The following PAK5 variants were observed in gnomAD, a reference collection of about 807,000 sequenced individuals.
PAK5 encodes serine/threonine-protein kinase PAK 5.
A neutral mutation model predicts 65.9 loss-of-function variants in PAK5; 16 were observed. The observed-to-expected ratio is 0.24, with a 90% CI of 0.16 to 0.37. The LOEUF is 0.37. Among genes scored for constraint, PAK5 ranks in the 10% least tolerant of loss-of-function variants. The pLI is 1.00. For synonymous variants in PAK5, 371 were observed against 354.9 expected, an observed-to-expected ratio of 1.05 and a Z score of -0.51; for missense variants, 785 against 903.9, an observed-to-expected ratio of 0.87 and a Z score of 1.69.
intron 1 of PAK5, among the ~76,000 whole-genome samples, chr20:9,743,401 C>CAAACG (rs1242819698): frequency 1.8e-5 from 1 of 55,962 alleles, no homozygotes; most frequent in Non-Finnish European, 4.0e-5. Context: ...CAAAAAAAAA[C>CAAACG]AAACGAAACA....
chr20:9,678,750 C>A (rs545357537), intron 2 of PAK5, among the ~76,000 whole-genome samples: 1 of 152,164 alleles, frequency 6.6e-6, no homozygotes, highest in East Asian at 1.9e-4. Flanking sequence ...GGGGGAAAGC[C>A]CCTTATAAAA....
At chr20:9,569,361 A>G (rs1292443804) in intron 4 of PAK5, among the ~76,000 whole-genome samples, 2 of 152,150 alleles carry the variant, frequency 1.3e-5, no homozygotes, top group African/African-American at 2.4e-5. Flanking sequence ...TAAAGACATG[A>G]ATCTGAGAGT....
chr20:9,658,376 T>G (rs981911143), intron 2 of PAK5, among the ~76,000 whole-genome samples: 1 of 152,200 alleles, frequency 6.6e-6, no homozygotes, highest in Non-Finnish European at 1.5e-5. Flanking sequence ...GACTCTCATC[T>G]TTCAGCAGGG....
intron 8 of PAK5, 81 bp from the exon 9 acceptor site, chr20:9,542,801 A>AC: frequency 8.1e-7 from 1 of 1,241,268 alleles, no homozygotes; most frequent in Non-Finnish European, 1.2e-6. Flanking sequence ...CCTCATACTC[A>AC]TTCACAAGTG....
chr20:9,707,972 T>C (rs779328920), intron 2 of PAK5, among the ~76,000 whole-genome samples: 34 of 152,208 alleles, frequency 2.2e-4, no homozygotes, highest in East Asian at 1.9e-4. Flanking sequence ...ATGGGGCTAT[T>C]TGTTATACAG....
chr20:9,830,109 A>T (rs1978590952), intron 1 of PAK5, among the ~76,000 whole-genome samples: 1 of 152,228 alleles, frequency 6.6e-6, no homozygotes, highest in Non-Finnish European at 1.5e-5. Flanking sequence ...GCAGAGGAGC[A>T]GTGCTGTCCA....
intron 7 of PAK5, among the ~76,000 whole-genome samples, chr20:9,554,950 C>T (rs541403718): frequency 1.8e-4 from 27 of 152,290 alleles, no homozygotes; most frequent in African/African-American, 6.5e-4. Flanking sequence ...ATCTTCTGAC[C>T]AGCCTCCATA....
chr20:9,750,900 A>G (rs1211067526), intron 1 of PAK5, among the ~76,000 whole-genome samples: 1 of 152,128 alleles, frequency 6.6e-6, no homozygotes, highest in Non-Finnish European at 1.5e-5. Context: ...TATAGTCTAG[A>G]GTAGGTTTAT....
In PAK5 at chr20:9,539,381, T is replaced by G. The variant is rs188485835; in HGVS notation, c.*81A>C. The G allele has an allele frequency of 1.6e-5, 23 of 1,397,484 alleles. No homozygotes were observed. In the African/African-American group the frequency reaches 2.4e-4, roughly 15 times the overall value. 86.6% of individuals were successfully genotyped at this position (1,397,484 alleles called of 1,614,324 possible). A position where few individuals can be genotyped will look rare whatever the true frequency, so the allele number is the denominator to read the frequency against. ...GCTGGTCTAGAATGCACAGGCCTTT[T>G]GCATGTTCTGTGTTTCCTTTTGTTC... On this transcript the variant is annotated 3_prime_UTR_variant, in exon 10 of 10. Transcript: ENST00000353224.
At chr20:9,641,514 C>A (rs1233198659) in intron 3 of PAK5, among the ~76,000 whole-genome samples, 1 of 149,194 alleles carries the variant, frequency 6.7e-6, no homozygotes, top group African/African-American at 2.5e-5. Context: ...ACTCAGGAGC[C>A]CAGCTGGCTT....
intron 5 of PAK5, among the ~76,000 whole-genome samples, chr20:9,565,252 T>A (rs1037692217): frequency 6.6e-6 from 1 of 152,118 alleles, no homozygotes; most frequent in Admixed American, 6.6e-5. Context: ...CAGAAAAATA[T>A]AGAAAGGAAA....
At chr20:9,547,076 G>T (rs1331383937) in intron 7 of PAK5, among the ~76,000 whole-genome samples, 1 of 152,100 alleles carries the variant, frequency 6.6e-6, no homozygotes, top group Non-Finnish European at 1.5e-5. Context: ...TTGCATGACT[G>T]ATATAAAAAT....
intron 3 of PAK5, among the ~76,000 whole-genome samples, chr20:9,641,492 C>T (rs28786692): frequency 1.5e-4 from 21 of 140,974 alleles, no homozygotes; most frequent in African/African-American, 3.6e-4. Context: ...AGACTCTCCA[C>T]GTCCCCACCA....
chr20:9,554,842 A>G (rs576568833), intron 7 of PAK5, among the ~76,000 whole-genome samples: 33 of 152,276 alleles, frequency 2.2e-4, no homozygotes, highest in African/African-American at 7.7e-4. Context: ...AGATCCACTC[A>G]ATATGCTCTT....
intron 1 of PAK5, among the ~76,000 whole-genome samples, chr20:9,777,350 T>C (rs1285213775): frequency 2.0e-5 from 3 of 152,064 alleles, no homozygotes; most frequent in Admixed American, 2.0e-4. Context: ...TGGGAGGTAA[T>C]TGAATCAAGG....
In PAK5 at chr20:9,806,757, A is replaced by T. The variant is rs138462915; in HGVS notation, c.-162+32005T>A. ...ACTGTGTACTGAATAAATGCTAGCT[A>T]TTATTATTCATATTATATTAATTTC... On this transcript the variant is annotated intron_variant, in intron 1 of 9. Transcript: ENST00000353224. 6.2e-3 allele frequency among the ~76,000 whole-genome samples: 940 copies of T among 152,306 alleles called. 13 individuals are homozygous for T. Among genetic ancestry groups the T allele is most frequent in the African/African-American group, 0.022 (894 of 41,568 alleles).
intron 2 of PAK5, among the ~76,000 whole-genome samples, chr20:9,705,240 A>T (rs530796839): frequency 1.7e-5 from 1 of 58,550 alleles, no homozygotes; most frequent in Admixed American, 1.9e-4. Flanking sequence ...GTGTCTAATT[A>T]AAAAAAAAAT....
At position 9,655,213 on chromosome 20, in the gene PAK5, C is replaced by T. The variant is rs111867510; in HGVS notation, c.-11-10874G>A. ...ATTGTCATTACACACAAATCCAAAC[C>T]CCTTATCCCAGCTCACAGTTGTGGA... On this transcript the variant is annotated intron_variant, in intron 2 of 9. Transcript: ENST00000353224. Among the ~76,000 whole-genome samples, 90 of 152,294 alleles carry T rather than the reference C, an allele frequency of 5.9e-4. 1 individual carries two copies. The highest frequency in any genetic ancestry group is 3.4e-3 in the Middle Eastern group (1 of 294).
At chr20:9,603,794 A>G (rs1194214971) in intron 3 of PAK5, among the ~76,000 whole-genome samples, 1 of 152,102 alleles carries the variant, frequency 6.6e-6, no homozygotes, top group Non-Finnish European at 1.5e-5. Flanking sequence ...GATTTGCACT[A>G]TTATCCCCAT....
Sources: allele counts gnomAD v4.1 joint callset (sites outside exome capture counted in the v4.1 genomes callset), GRCh38; gene constraint gnomAD v4.1.1; transcripts MANE v1.5; gene names NCBI Gene and HGNC (gene_info 2026-07-23, HGNC 2026-07-21).